TMEM151B: variants seen among roughly 807,000 people sequenced by gnomAD.
TMEM151B encodes the protein transmembrane protein 193.
A neutral mutation model predicts 33.0 loss-of-function variants in TMEM151B; 18 were observed. The ratio of observed to expected loss-of-function variants is 0.55; its 90% CI spans 0.38 to 0.81. TMEM151B has a LOEUF of 0.81. Among genes scored for constraint, TMEM151B ranks in the 30% least tolerant of loss-of-function variants. The pLI is 0.00. For synonymous variants in TMEM151B, 354 were observed against 373.6 expected, an observed-to-expected ratio of 0.95 and a Z score of 0.61; for missense variants, 672 against 843.4, an observed-to-expected ratio of 0.80 and a Z score of 2.52.
At chr6:44,273,940 T>A (rs1179416380) in intron 2 of TMEM151B, among the ~76,000 whole-genome samples, 1 of 152,014 alleles carries the variant, frequency 6.6e-6, no homozygotes, top group Non-Finnish European at 1.5e-5. Flanking sequence ...AATGGCAGAG[T>A]GTGGTGGCTC....
In TMEM151B at chr6:44,276,213, C is replaced by A; in HGVS notation, c.1387C>A (p.Pro463Thr). 2 of 1,290,682 alleles carry A rather than the reference C, an allele frequency of 1.5e-6. No homozygotes were observed. Among genetic ancestry groups the A allele is most frequent in the South Asian group, 5.0e-5 (2 of 39,992 alleles). The allele number at this position is 1,290,682 out of a possible 1,614,324, so 80.0% of individuals were successfully genotyped here. ...CGCCAGCCCGCGGGCCGGCCCGGGG[C>A]CCGGTGGGGGCGCGGGCTGCGGGGG... ...ICASPRAGPG[P>T]GGGAGCGGSR... The change falls in exon 3 of 3, where the codon CCC becomes ACC. Residue 463 changes from proline (P) to threonine (T), a missense_variant. Physicochemically the swap from Pro to Thr is conservative, Grantham distance 38. Around this residue, in one of 3 missense-constraint regions of TMEM151B, gnomAD observed 324 missense variants for 363.1 expected, o/e 0.89. Transcript: ENST00000451188.
rs1782664846 is a variant in TMEM151B at position 44,278,143 on chromosome 6, C to T, written c.*1616C>T. 1 of 155,554 alleles carries T rather than the reference C, an allele frequency of 6.4e-6. No homozygotes were observed. Among genetic ancestry groups the T allele is most frequent in the Admixed American group, 6.5e-5 (1 of 15,302 alleles). The allele number at this position is 155,554 out of a possible 1,614,324, so 9.6% of individuals were successfully genotyped here. ...GCACCACCAACTGTGTGGCCTCCACCTATGCAACATCGCCTCTGGCTCCCC... is the reference window on the plus strand; with the variant it reads ...GCACCACCAACTGTGTGGCCTCCACTTATGCAACATCGCCTCTGGCTCCCC... On this transcript the variant is annotated 3_prime_UTR_variant, in exon 3 of 3. Transcript: ENST00000451188.
chr6:44,275,274 T>C (rs1043043295), intron 2 of TMEM151B, 129 bp from the exon 3 acceptor site: 13 of 1,424,422 alleles, frequency 9.1e-6, no homozygotes, highest in Non-Finnish European at 1.1e-5. Context: ...AGCCGGCACC[T>C]AAACCAAGAC....
Position 44,275,718 on chromosome 6 carries a change from T to A in TMEM151B, c.892T>A (p.Cys298Ser). The A allele has an allele frequency of 6.5e-7, 1 of 1,549,444 alleles. No individual in the cohort carries two copies. The stretch of plus-strand genomic sequence containing the variant: ...CCCGGCCCGGCCGCCCTGGTACGCC[T>A]GCTCGTCGGCCTTCTGGGCCGCGGC... ...PDPARPPWYA[C>S]SSAFWAAALL... is the part of the protein sequence containing the mutation. The change falls in exon 3 of 3, where the codon TGC (cysteine) becomes AGC (serine). Residue 298 changes from cysteine to serine, a missense_variant. Physicochemically the swap from Cys to Ser is moderately radical, Grantham distance 112. Coordinates refer to ENST00000451188, the MANE Select transcript of TMEM151B (RefSeq NM_001137560.2).
Position 44,270,734 on chromosome 6 carries a change from C to T in TMEM151B, c.-9C>T, listed in dbSNP as rs1782290862. On this transcript the variant is annotated 5_prime_UTR_variant, in exon 1 of 3. Transcript: ENST00000451188. ...GGAGGTCCTGAGCTCGACGCGCCCC[C>T]TCTACGCCATGTCCCCCCCTGGCTC... 9.2e-7 allele frequency: 1 copy of T among 1,086,390 alleles called. No individual in the cohort carries two copies. The allele number at this position is 1,086,390 out of a possible 1,614,324, so 67.3% of individuals were successfully genotyped here.
rs925461834 is a variant in TMEM151B at position 44,276,036 on chromosome 6, G to A, written c.1210G>A (p.Gly404Arg). ...GGCGGGGCTCGGGACGCGCTGCGGC[G>A]GGGCAGGCGGCGGCTACGCGCCCTC... ...DLAGLGTRCG[G>R]AGGGYAPSCR... The change falls in exon 3 of 3, where the codon GGG becomes AGG. Residue 404 changes from glycine to arginine, a missense_variant. Gly to Arg is a moderately radical substitution (Grantham distance 125). Coordinates refer to ENST00000451188, the MANE Select transcript of TMEM151B (RefSeq NM_001137560.2). 1.6e-5 allele frequency: 21 copies of A among 1,351,322 alleles called. No individual in the cohort carries two copies. The highest frequency in any genetic ancestry group is 1.7e-5 in the Non-Finnish European group (18 of 1,056,150). The allele number at this position is 1,351,322 out of a possible 1,614,324, so 83.7% of individuals were successfully genotyped here.
rs1030410429 is a variant in TMEM151B, at chr6:44,277,576, C to T, written c.*1049C>T. ...GGGTGTCTGTGGGGGCGGCCTTTGC[C>T]TCCCTAAACCTGTGCGGAGGAGTGG... On this transcript the variant is annotated 3_prime_UTR_variant, in exon 3 of 3. Transcript: ENST00000451188. 4 of 152,334 alleles carry T rather than the reference C, an allele frequency of 2.6e-5. No individual in the cohort carries two copies. The highest frequency in any genetic ancestry group is 9.6e-5 in the African/African-American group (4 of 41,544). The allele number at this position is 152,334 out of a possible 1,614,324, so 9.4% of individuals were successfully genotyped here. A position where few individuals can be genotyped will look rare whatever the true frequency, so the allele number is the denominator to read the frequency against.
intron 1 of TMEM151B, among the ~76,000 whole-genome samples, chr6:44,272,405 A>G (rs1782399143): frequency 6.6e-6 from 1 of 152,096 alleles, no homozygotes; most frequent in Non-Finnish European, 1.5e-5. Flanking sequence ...GGTCCAGAAC[A>G]TGGGGAATGA....
Position 44,275,667 on chromosome 6 carries a change from C to T in TMEM151B, c.841C>T (p.Arg281Cys). Residue 281 changes from arginine (R) to cysteine (C), a missense_variant, in exon 3 of 3, where the codon CGT becomes TGT. By Grantham distance (180) the Arg-to-Cys change is radical. This residue lies in a region of TMEM151B where 285 missense variants were observed against 423.1 expected (regional missense o/e 0.67). Coordinates refer to ENST00000451188, the MANE Select transcript of TMEM151B (RefSeq NM_001137560.2). ...EGMHLKNVDF[R>C]EFMVAFPDPA... is the part of the protein sequence containing the mutation. Reference sequence around the variant, plus strand: ...CATGCACCTCAAGAACGTGGACTTCCGTGAGTTCATGGTGGCCTTCCCGGA... The same window carrying T: ...CATGCACCTCAAGAACGTGGACTTCTGTGAGTTCATGGTGGCCTTCCCGGA... 6.4e-7 allele frequency: 1 copy of T among 1,551,194 alleles called. No homozygotes were observed. The highest frequency in any genetic ancestry group is 8.7e-7 in the Non-Finnish European group (1 of 1,146,730).
chr6:44,276,849 G>T lies in TMEM151B; in HGVS notation c.*322G>T. On this transcript the variant is annotated 3_prime_UTR_variant, in exon 3 of 3. Transcript: ENST00000451188. ...ACAGATCTTCTGTTAGATGACAACC[G>T]TGCCGTGGGCCCCGCGTTGGGCCTT... 3.5e-6 allele frequency: 1 copy of T among 288,908 alleles called. No homozygotes were observed. The highest frequency in any genetic ancestry group is 6.1e-6 in the Non-Finnish European group (1 of 163,532). The allele number at this position is 288,908 out of a possible 1,614,324, so 17.9% of individuals were successfully genotyped here.
At position 44,275,371 on chromosome 6, in the gene TMEM151B, C is replaced by T. The variant is rs1277001004; in HGVS notation, c.577-32C>T. The T allele has an allele frequency of 3.4e-6, 5 of 1,467,038 alleles. No homozygotes were observed. In the African/African-American group the frequency reaches 4.2e-5, roughly 12 times the overall value. 90.9% of individuals were successfully genotyped at this position (1,467,038 alleles called of 1,614,324 possible). On this transcript the variant is annotated intron_variant, in intron 2 of 2. Coordinates refer to ENST00000451188, the MANE Select transcript of TMEM151B (RefSeq NM_001137560.2). ...AAGCGGGCACCAATGACGGGCTCCC[C>T]GCGACCCCGCCGCCTGCCCCCCGCG...
At chr6:44,271,363 GTGTGT>G (rs1561916679) in intron 1 of TMEM151B, among the ~76,000 whole-genome samples, 1 of 70,154 alleles carries the variant, frequency 1.4e-5, no homozygotes, top group Non-Finnish European at 2.9e-5. Flanking sequence ...GTGTGTGTGT[GTGTGT>G]GGGGGGGGGT....
At chr6:44,274,310 G>A (rs1392293804) in intron 2 of TMEM151B, among the ~76,000 whole-genome samples, 1 of 152,222 alleles carries the variant, frequency 6.6e-6, no homozygotes, top group Non-Finnish European at 1.5e-5. Context: ...TCTTTCACAG[G>A]TATGGACACC....
Position 44,273,437 on chromosome 6 carries a change from C to T in TMEM151B, c.507C>T (p.Ser169=), listed in dbSNP as rs1782443553. ...ATPCIWWKAI[S]YHYVRRTRQV... is the part of the protein sequence containing the mutation. ...CCTGCATCTGGTGGAAGGCCATCAG[C>T]TACCACTATGTCCGCCGCACCCGCC... Residue 169 remains serine, a synonymous_variant, in exon 2 of 3, where the codon AGC becomes AGT. Coordinates refer to ENST00000451188, the MANE Select transcript of TMEM151B (RefSeq NM_001137560.2). 1 of 1,550,920 alleles carries T rather than the reference C, an allele frequency of 6.4e-7. No individual in the cohort carries two copies.
chr6:44,277,246 A>C lies in TMEM151B; in HGVS notation c.*719A>C, dbSNP rs1438415023. 1 of 152,352 alleles carries C rather than the reference A, an allele frequency of 6.6e-6. No individual in the cohort carries two copies. 9.4% of individuals were successfully genotyped at this position (152,352 alleles called of 1,614,324 possible). A position where few individuals can be genotyped will look rare whatever the true frequency, so the allele number is the denominator to read the frequency against. On this transcript the variant is annotated 3_prime_UTR_variant, in exon 3 of 3. Transcript: ENST00000451188. ...AGACATCACTCACCTTCCGCTCCCC[A>C]GTCCTGCAGAGCTGTTGCCAGGGTG...
At chr6:44,272,221 G>A (rs933714262) in intron 1 of TMEM151B, among the ~76,000 whole-genome samples, 4 of 152,034 alleles carry the variant, frequency 2.6e-5, no homozygotes, top group African/African-American at 7.3e-5. Context: ...CGTTGTCCTC[G>A]CTACCCCAGT....
rs1482886813 is a variant in TMEM151B at position 44,270,793 on chromosome 6, C to T, written c.51C>T (p.Gly17=). The change falls in exon 1 of 3, where the codon GGC becomes GGT. Residue 17 remains glycine (G), a synonymous_variant. Coordinates refer to ENST00000451188, the MANE Select transcript of TMEM151B (RefSeq NM_001137560.2). Reference sequence around the variant, plus strand: ...GAGAGAGCGCCGCCGGCGGCGGCGGCGGCGGTGGCGGCCCCGGGGTCTCGG... The same window carrying T: ...GAGAGAGCGCCGCCGGCGGCGGCGGTGGCGGTGGCGGCCCCGGGGTCTCGG... ...AAGESAAGGG[G]GGGGPGVSEE... The T allele has an allele frequency of 8.1e-6, 9 of 1,115,302 alleles. No individual in the cohort carries two copies. Among genetic ancestry groups the T allele is most frequent in the Admixed American group, 1.0e-4 (2 of 20,006 alleles). 69.1% of individuals were successfully genotyped at this position (1,115,302 alleles called of 1,614,324 possible).
intron 1 of TMEM151B, 33 bp downstream of exon 1, chr6:44,270,910 G>A (rs1341542201): frequency 5.7e-6 from 6 of 1,055,860 alleles, no homozygotes; most frequent in Non-Finnish European, 6.8e-6. Flanking sequence ...CCCCGGGCGC[G>A]GCCGCAGCCT....
chr6:44,274,201 A>C (rs1457453409), intron 2 of TMEM151B, among the ~76,000 whole-genome samples: 4 of 152,232 alleles, frequency 2.6e-5, no homozygotes, highest in Non-Finnish European at 4.4e-5. Context: ...TCAAAAAAAA[A>C]AATAAAAATA....
Sources: allele counts gnomAD v4.1 joint callset (sites outside exome capture counted in the v4.1 genomes callset), GRCh38; gene constraint gnomAD v4.1.1; regional missense constraint gnomAD v4.1.1; transcripts MANE v1.5; gene names NCBI Gene and HGNC (gene_info 2026-07-23, HGNC 2026-07-21).